The following CRPPA variants were observed in gnomAD, a reference collection of about 807,000 sequenced individuals.
CRPPA encodes D-ribitol-5-phosphate cytidylyltransferase.
A neutral mutation model predicts 52.0 loss-of-function variants in CRPPA; 43 were observed. The observed-to-expected ratio is 0.83, with a 90% CI of 0.65 to 1.07. The LOEUF (loss-of-function observed/expected upper bound fraction) is 1.07. CRPPA is among the 50% of genes least tolerant of loss of function. The pLI is 0.00. For synonymous variants in CRPPA, 250 were observed against 203.5 expected, an observed-to-expected ratio of 1.23 and a Z score of -1.94; for missense variants, 629 against 551.7, an observed-to-expected ratio of 1.14 and a Z score of -1.40.
At chr7:16,223,931 G>A (rs1030326440) in intron 8 of CRPPA, among the ~76,000 whole-genome samples, 2 of 151,942 alleles carry the variant, frequency 1.3e-5, no homozygotes, top group Non-Finnish European at 2.9e-5. Flanking sequence ...TAGAATTACA[G>A]TAAAACAGTA....
chr7:16,118,141 C>T (rs559817716), intron 9 of CRPPA, among the ~76,000 whole-genome samples: 12 of 152,292 alleles, frequency 7.9e-5, no homozygotes, highest in African/African-American at 2.9e-4. Flanking sequence ...GGCTCCATGC[C>T]AACCACTGTT....
chr7:16,309,881 A>G (rs749276848), intron 3 of CRPPA, among the ~76,000 whole-genome samples: 22 of 152,190 alleles, frequency 1.4e-4, no homozygotes, highest in Non-Finnish European at 2.9e-4. Context: ...TTGGGTGCCC[A>G]TAACTAATAT....
chr7:16,106,670 G>C (rs1455223269), intron 9 of CRPPA, among the ~76,000 whole-genome samples: 1 of 152,176 alleles, frequency 6.6e-6, no homozygotes, highest in Non-Finnish European at 1.5e-5. Flanking sequence ...TAGGCTAGAA[G>C]AGGGGGCTGC....
At chr7:16,274,598 TA>T (rs138509280) in intron 6 of CRPPA, among the ~76,000 whole-genome samples, 1 of 152,266 alleles carries the variant, frequency 6.6e-6, no homozygotes, top group East Asian at 1.9e-4. Context: ...AGGAAGATAT[TA>T]AATTAAGAAA....
intron 3 of CRPPA, among the ~76,000 whole-genome samples, chr7:16,364,262 G>A (rs1056520917): frequency 3.3e-5 from 5 of 152,082 alleles, no homozygotes; most frequent in Admixed American, 3.3e-4. Context: ...TAAAAGCACT[G>A]GACACAAAAG....
In CRPPA at chr7:16,327,657, A is replaced by T. The variant is rs6973038; in HGVS notation, c.685-19030T>A. On this transcript the variant is annotated intron_variant, in intron 3 of 9. Coordinates refer to ENST00000407010, the MANE Select transcript of CRPPA (RefSeq NM_001101426.4). ...AAATCCAAGACCACAACTGTCAAGG[A>T]GATACACATGCTCTTCCCAGGGTAA... 6.0e-5 allele frequency among the ~76,000 whole-genome samples: 9 copies of T among 149,264 alleles called. No individual in the cohort carries two copies. The South Asian group carries it at 1.7e-3, about 28-fold the overall frequency.
At chr7:16,105,707 A>C (rs902099905) in intron 9 of CRPPA, among the ~76,000 whole-genome samples, 6 of 152,102 alleles carry the variant, frequency 3.9e-5, no homozygotes, top group African/African-American at 2.4e-5. Context: ...TGGGATGTTC[A>C]ACAAAACTTG....
intron 9 of CRPPA, among the ~76,000 whole-genome samples, chr7:16,195,199 T>C (rs1781704838): frequency 6.6e-6 from 1 of 152,174 alleles, no homozygotes; most frequent in African/African-American, 2.4e-5. Flanking sequence ...AAAGCAGTGT[T>C]ACAGCTTTCT....
chr7:16,413,544 C>T (rs1788119722), intron 1 of CRPPA, among the ~76,000 whole-genome samples: 1 of 152,174 alleles, frequency 6.6e-6, no homozygotes, highest in Admixed American at 6.5e-5. Flanking sequence ...CTAAATATTT[C>T]TCCTGTCTTC....
At chr7:16,170,051 A>G (rs1402516061) in intron 9 of CRPPA, among the ~76,000 whole-genome samples, 1 of 152,238 alleles carries the variant, frequency 6.6e-6, no homozygotes, top group Non-Finnish European at 1.5e-5. Flanking sequence ...AATACATATT[A>G]AAGTGAATTT....
At chr7:16,402,544 T>C (rs555592980) in intron 2 of CRPPA, among the ~76,000 whole-genome samples, 2 of 152,176 alleles carry the variant, frequency 1.3e-5, no homozygotes, top group Non-Finnish European at 2.9e-5. Flanking sequence ...TACTATTGGC[T>C]ATAGTGTATA....
chr7:16,208,117 C>A (rs1001445752), intron 9 of CRPPA, among the ~76,000 whole-genome samples: 2 of 152,092 alleles, frequency 1.3e-5, no homozygotes. Flanking sequence ...ACTTCACTAA[C>A]CTGAATCAAA....
chr7:16,388,330 C>T (rs1359097349), intron 2 of CRPPA, among the ~76,000 whole-genome samples: 1 of 151,976 alleles, frequency 6.6e-6, no homozygotes, highest in Non-Finnish European at 1.5e-5. Flanking sequence ...AAAGAAACCA[C>T]TAGCAAACTT....
At chr7:16,257,721 C>A (rs752369348) in intron 8 of CRPPA, among the ~76,000 whole-genome samples, 1 of 152,228 alleles carries the variant, frequency 6.6e-6, no homozygotes, top group Admixed American at 6.6e-5. Context: ...CCCCTTCACA[C>A]AGCAAAATGC....
At chr7:16,204,720 T>G (rs1016274453) in intron 9 of CRPPA, among the ~76,000 whole-genome samples, 3 of 152,168 alleles carry the variant, frequency 2.0e-5, no homozygotes, top group African/African-American at 7.2e-5. Flanking sequence ...CTACAGAATT[T>G]TGAGATAATT....
intron 9 of CRPPA, among the ~76,000 whole-genome samples, chr7:16,112,324 A>G (rs1782282324): frequency 6.6e-6 from 1 of 150,396 alleles, no homozygotes; most frequent in Non-Finnish European, 1.5e-5. Flanking sequence ...CTCAAAAGGA[A>G]AAAAAAAAAG....
At chr7:16,271,185 C>T (rs2128416072) in intron 6 of CRPPA, among the ~76,000 whole-genome samples, 1 of 152,196 alleles carries the variant, frequency 6.6e-6, no homozygotes. Flanking sequence ...CCTACAGTCC[C>T]TGTTTGTTCA....
chr7:16,171,622 C>A (rs1047133170), intron 9 of CRPPA, among the ~76,000 whole-genome samples: 1 of 151,810 alleles, frequency 6.6e-6, no homozygotes. Context: ...AACAAACAAA[C>A]CAAAAAAACA....
At chr7:16,320,040 G>A (rs1017794962) in intron 3 of CRPPA, among the ~76,000 whole-genome samples, 3 of 152,092 alleles carry the variant, frequency 2.0e-5, no homozygotes, top group Non-Finnish European at 2.9e-5. Context: ...TCTCCAAGCT[G>A]CATCTGTTAG....
Sources: allele counts gnomAD v4.1 joint callset (sites outside exome capture counted in the v4.1 genomes callset), GRCh38; gene constraint gnomAD v4.1.1; transcripts MANE v1.5; gene names NCBI Gene and HGNC (gene_info 2026-07-23, HGNC 2026-07-21).